C17orf75: variants seen among roughly 807,000 people sequenced by gnomAD.
C17orf75 encodes chromosome 17 open reading frame 75.
In C17orf75, 32 loss-of-function variants were observed where a neutral mutation model predicts 49.6. The ratio of observed to expected loss-of-function variants is 0.65; its 90% CI spans 0.49 to 0.87. The LOEUF (loss-of-function observed/expected upper bound fraction) is 0.87, where lower values mean the gene tolerates loss of function less well. Among genes scored for constraint, C17orf75 ranks in the 40% least tolerant of loss-of-function variants. The probability of loss-of-function intolerance (pLI) is 0.00; values close to 1 mark genes in which losing one functional copy is unlikely to be tolerated. For missense variants in C17orf75, 428 were observed against 473.9 expected, an observed-to-expected ratio of 0.90 and a Z score of 0.90; for synonymous variants, 158 against 159.5, an observed-to-expected ratio of 0.99 and a Z score of 0.07.
In C17orf75 at chr17:32,333,422, G is replaced by A; in HGVS notation, c.970C>T (p.Leu324=). The change falls in exon 9 of 10, where the codon CTA becomes TTA. Residue 324 remains leucine (L), a synonymous_variant. Coordinates refer to ENST00000577809, the MANE Select transcript of C17orf75 (RefSeq NM_022344.4). ...LFRQVLENFK[L]KAIQDTNNLK... ...GCACACAGCCAACTAATTACCTTTA[G>A]TTTAAAGTTCTCCAGTACTTGTCGG... 1 of 1,604,672 alleles carries A rather than the reference G, an allele frequency of 6.2e-7. No homozygotes were observed. The highest frequency in any genetic ancestry group is 1.1e-5 in the South Asian group (1 of 88,888).
rs1317083469 is a variant in C17orf75, at chr17:32,335,419, T to C, written c.573A>G (p.Ile191Met). 1.2e-6 allele frequency: 2 copies of C among 1,613,964 alleles called. No homozygotes were observed. Among genetic ancestry groups the C allele is most frequent in the South Asian group, 2.2e-5 (2 of 91,080 alleles). The stretch of plus-strand genomic sequence containing the variant: ...CAAACCAGCTGCTCAGATAGGATTT[T>C]ATGTGACTCTCCAGGCCCCTTGCCT... Reference protein sequence around the residue: ...NCEARGLESHIKSYLSSWFED... With the variant: ...NCEARGLESHMKSYLSSWFED... Residue 191 changes from isoleucine to methionine, a missense_variant, in exon 6 of 10, where the codon ATA becomes ATG. Physicochemically the swap from Ile to Met is conservative, Grantham distance 10 (BLOSUM62 1). Transcript: ENST00000577809.
rs2041306214 is a variant in C17orf75, at chr17:32,334,455, A to G, written c.871+14T>C. 5.0e-6 allele frequency: 8 copies of G among 1,607,996 alleles called. No homozygotes were observed. Among genetic ancestry groups the G allele is most frequent in the Non-Finnish European group, 5.9e-6 (7 of 1,177,442 alleles). On this transcript the variant is annotated intron_variant, in intron 8 of 9. Coordinates refer to ENST00000577809, the MANE Select transcript of C17orf75 (RefSeq NM_022344.4). ...AAGAGATGTAGGAAGGCTGCTTCAG[A>G]GGTTGTAGCTCACCTGCATTGCAGA...
exon 1 of C17orf75, chr17:32,349,963 A>C: frequency 2.6e-6 from 3 of 1,166,026 alleles, no homozygotes; most frequent in Non-Finnish European, 3.2e-6. Context: ...GCTCCTTTAC[A>C]AATGAAACCC....
At chr17:32,332,866 G>A (rs1421279496) in intron 9 of C17orf75, among the ~76,000 whole-genome samples, 2 of 151,964 alleles carry the variant, frequency 1.3e-5, no homozygotes, top group Non-Finnish European at 1.5e-5. Context: ...TCGGAGTGCA[G>A]TGGCACAATC....
At position 32,331,345 on chromosome 17, in the gene C17orf75, C is replaced by G. The variant is rs1292285021; in HGVS notation, c.*418G>C. ...ACTGGTGTAGTGGTATTAATCTGTT[C>G]TAAGACTAGAATTACATTTTTTTTT... On this transcript the variant is annotated 3_prime_UTR_variant, in exon 10 of 10. Coordinates refer to ENST00000577809, the MANE Select transcript of C17orf75 (RefSeq NM_022344.4). 1 of 170,382 alleles carries G rather than the reference C, an allele frequency of 5.9e-6. No individual in the cohort carries two copies. The highest frequency in any genetic ancestry group is 2.8e-5 in the African/African-American group (1 of 35,774). 10.6% of individuals were successfully genotyped at this position (170,382 alleles called of 1,614,324 possible).
At chr17:32,333,373 G>T in intron 9 of C17orf75, 44 bp downstream of exon 9, 1 of 1,427,378 alleles carries the variant, frequency 7.0e-7, no homozygotes, top group South Asian at 1.2e-5. Context: ...TTAAAATTCA[G>T]ACAAAAATTT....
intron 1 of C17orf75, among the ~76,000 whole-genome samples, chr17:32,348,855 G>C (rs554256889): frequency 6.7e-4 from 94 of 139,348 alleles, no homozygotes; most frequent in African/African-American, 2.5e-3. Context: ...CACCTTCACT[G>C]ACAGCTCCAG....
In C17orf75 at chr17:32,338,108, C is replaced by G. The variant is rs573209749; in HGVS notation, c.491+100G>C. On this transcript the variant is annotated intron_variant, in intron 4 of 9. Transcript: ENST00000577809. ...AAGGTATGAAATTCAACTAAATACA[C>G]GAGGAGTAGAAAAGCTTTTTGGAGG... The G allele has an allele frequency of 9.7e-6, 15 of 1,542,386 alleles. No individual in the cohort carries two copies. The African/African-American group carries it at 1.5e-4, about 16-fold the overall frequency.
In C17orf75 at chr17:32,337,903, A is replaced by G; in HGVS notation, c.543T>C (p.Asn181=). ...KYIQGLKNNM[N]CEARGLESHI... is the part of the protein sequence containing the mutation. ...ATTAAGTCAGTCACCTTACCTCACA[A>G]TTCATGTTATTTTTCAGCCCTTGAA... Residue 181 remains asparagine (N), a synonymous_variant, in exon 5 of 10, where the codon AAT becomes AAC. Coordinates refer to ENST00000577809, the MANE Select transcript of C17orf75 (RefSeq NM_022344.4). 6.2e-7 allele frequency: 1 copy of G among 1,604,384 alleles called. No individual in the cohort carries two copies. Among genetic ancestry groups the G allele is most frequent in the Non-Finnish European group, 8.5e-7 (1 of 1,174,718 alleles).
rs1184935593 is a variant in C17orf75, at chr17:32,334,698, T to C, written c.734+77A>G. The stretch of plus-strand genomic sequence containing the variant: ...TTGCACTGGGCTGGTGGGGAAGGGA[T>C]GGAAGGAGCAGTTTACAAACACAGA... On this transcript the variant is annotated intron_variant, in intron 7 of 9. Coordinates refer to ENST00000577809, the MANE Select transcript of C17orf75 (RefSeq NM_022344.4). 3.8e-6 allele frequency: 6 copies of C among 1,571,986 alleles called. No homozygotes were observed. The East Asian group carries it at 1.4e-4, about 36-fold the overall frequency.
chr17:32,340,040 T>A (rs2041364125), intron 2 of C17orf75, 102 bp from the exon 3 acceptor site: 2 of 1,382,200 alleles, frequency 1.4e-6, no homozygotes, highest in African/African-American at 2.9e-5. Context: ...TTTTAAGGAC[T>A]GGGGAAAGCT....
chr17:32,344,630 C>T (rs569622198), upstream of C17orf75, among the ~76,000 whole-genome samples: 5 of 141,828 alleles, frequency 3.5e-5, no homozygotes, highest in African/African-American at 1.1e-4. Flanking sequence ...CTAATACGGC[C>T]GGGCGTGGTG....
At position 32,339,848 on chromosome 17, in the gene C17orf75, A is replaced by G. The variant is rs906748280; in HGVS notation, c.312T>C (p.Phe104=). 9.3e-6 allele frequency: 15 copies of G among 1,614,052 alleles called. No individual in the cohort carries two copies. The highest frequency in any genetic ancestry group is 1.3e-5 in the Non-Finnish European group (15 of 1,179,900). ...CAGATGCAACATTACCCAGCCCTTC[A>G]AAGACTGCACCTCTTGAAAGACGCT... ...IAKRLSRGAV[F]EGLGNVASVE... The change falls in exon 3 of 10, where the codon TTT becomes TTC. Residue 104 remains phenylalanine, a synonymous_variant. Coordinates refer to ENST00000577809, the MANE Select transcript of C17orf75 (RefSeq NM_022344.4).
At chr17:32,344,353 C>T (rs1357273132), upstream of C17orf75, among the ~76,000 whole-genome samples, 1 of 152,162 alleles carries the variant, frequency 6.6e-6, no homozygotes, top group Non-Finnish European at 1.5e-5. Context: ...TGTGGTGGCT[C>T]ACGCCTGTAA....
At chr17:32,342,771 A>G (rs2041393814), upstream of C17orf75, among the ~76,000 whole-genome samples, 1 of 152,168 alleles carries the variant, frequency 6.6e-6, no homozygotes, top group Non-Finnish European at 1.5e-5. Flanking sequence ...CTGTGTCTCT[A>G]CTAAAAGTAC....
chr17:32,331,556 C>CAACT lies in C17orf75; in HGVS notation c.*203_*206dup, dbSNP rs1406444580. ...GGGCCAGTGAGACACTAAAATTTCACAACTCTCACATACATTATCTATCTA... is the reference window on the plus strand; with the variant it reads ...GGGCCAGTGAGACACTAAAATTTCACAACTAACTCTCACATACATTATCTATCTA... On this transcript the variant is annotated 3_prime_UTR_variant, in exon 10 of 10. Coordinates refer to ENST00000577809, the MANE Select transcript of C17orf75 (RefSeq NM_022344.4). The CAACT allele has an allele frequency of 2.2e-6, 1 of 462,728 alleles. No individual in the cohort carries two copies. The allele number at this position is 462,728 out of a possible 1,614,324, so 28.7% of individuals were successfully genotyped here.
chr17:32,335,564 T>TAAC, intron 5 of C17orf75, 122 bp from the exon 6 acceptor site: 1 of 1,204,940 alleles, frequency 8.3e-7, no homozygotes, highest in Non-Finnish European at 1.1e-6. Context: ...TTTTTAAAGC[T>TAAC]AACACCACCA....
rs779016175 is a variant in C17orf75, at chr17:32,334,821, C to T, written c.688G>A (p.Val230Ile). The T allele has an allele frequency of 5.0e-6, 8 of 1,610,308 alleles. No individual in the cohort carries two copies. The East Asian group carries it at 1.6e-4, about 31-fold the overall frequency. ...LLHAALSYTP[V>I]EVKESDEKTK... ...TTTTCATCTGATTCTTTAACTTCAACAGGAGTGTAACTCAAAGCCTATGAG... is the reference window on the plus strand; with the variant it reads ...TTTTCATCTGATTCTTTAACTTCAATAGGAGTGTAACTCAAAGCCTATGAG... Residue 230 changes from valine (V) to isoleucine (I), a missense_variant, in exon 7 of 10, where the codon GTT becomes ATT. Coordinates refer to ENST00000577809, the MANE Select transcript of C17orf75 (RefSeq NM_022344.4).
chr17:32,347,162 T>C (rs1479304177), upstream of C17orf75, among the ~76,000 whole-genome samples: 3 of 152,204 alleles, frequency 2.0e-5, no homozygotes, highest in African/African-American at 7.2e-5. Flanking sequence ...GATTTTGCCA[T>C]GTTGGCAAGG....
Sources: gnomAD v4.1 joint callset for allele counts (sites outside exome capture counted in the v4.1 genomes callset) on GRCh38, gnomAD v4.1.1 for gene constraint, MANE v1.5 for transcripts, NCBI Gene and HGNC (gene_info 2026-07-23, HGNC 2026-07-21) for gene names.